The following ADAMTS7 variants were observed in gnomAD, a reference collection of about 807,000 sequenced individuals.
ADAMTS7 encodes ADAM metallopeptidase with thrombospondin type 1 motif 7, also known as A disintegrin and metalloproteinase with thrombospondin motifs 7.
ADAMTS7 carries 89 observed loss-of-function variants against 172.6 expected under a neutral mutation model. That is an observed-to-expected ratio of 0.52 (90% CI 0.43 to 0.61). The LOEUF is 0.61. ADAMTS7 is among the 20% of genes least tolerant of loss of function. The probability of loss-of-function intolerance (pLI) is 0.00; values close to 1 mark genes in which losing one functional copy is unlikely to be tolerated. For missense variants in ADAMTS7, 1,973 were observed against 2,355.6 expected (o/e 0.84, Z 3.36); for synonymous variants, 885 against 978.4 (o/e 0.90, Z 1.78).
At chr15:78,765,511 C>G in intron 19 of ADAMTS7, 134 bp downstream of exon 19, 1 of 1,447,848 alleles carries the variant, frequency 6.9e-7, no homozygotes, top group Non-Finnish European at 9.4e-7. Context: ...CCTCATCCCC[C>G]TAATCCTGGG....
chr15:78,760,280 G>A (rs1158811562), intron 23 of ADAMTS7, among the ~76,000 whole-genome samples: 1 of 152,228 alleles, frequency 6.6e-6, no homozygotes, highest in Non-Finnish European at 1.5e-5. Context: ...GGTTATCAGA[G>A]CTATTTTGGG....
chr15:78,771,185 T>G lies in ADAMTS7; in HGVS notation c.2495A>C (p.Lys832Thr). The G allele has an allele frequency of 6.2e-7, 1 of 1,610,892 alleles. No homozygotes were observed. The highest frequency in any genetic ancestry group is 1.1e-5 in the South Asian group (1 of 90,722). ...ACCTCTGCCGCAGGTGACTGTGCAC[T>G]TGGTCCAGGGCCCATAATGCCAGGA... ...VFSWHYGPWT[K>T]CTVTCGRGVQ... The change falls in exon 16 of 24, where the codon AAG becomes ACG. Residue 832 changes from lysine to threonine, a missense_variant. Physicochemically the swap from Lys to Thr is moderately conservative, Grantham distance 78. This residue lies in a region of ADAMTS7 where 771 missense variants were observed against 952.6 expected (regional missense o/e 0.81). Coordinates refer to ENST00000388820, the MANE Select transcript of ADAMTS7 (RefSeq NM_014272.5). The surrounding 1 kb of genome is among the most constrained non-coding windows in gnomAD (Gnocchi z 4.9).
rs760130214 is a variant in ADAMTS7 at position 78,796,673 on chromosome 15, T to A, written c.736A>T (p.Thr246Ser). 1 of 1,613,980 alleles carries A rather than the reference T, an allele frequency of 6.2e-7. No individual in the cohort carries two copies. The highest frequency in any genetic ancestry group is 1.7e-4 in the Middle Eastern group (1 of 6,060). ...ATTTTGGCATCAGCTACTACCAGGG[T>A]CTCCACCCACTTCTCTTTGCTGACC... ...RSVSKEKWVE[T>S]LVVADAKMVE... The change falls in exon 4 of 24, where the codon ACC (threonine) becomes TCC (serine). Residue 246 changes from threonine to serine, a missense_variant. Physicochemically the swap from Thr to Ser is moderately conservative, Grantham distance 58 (BLOSUM62 1). Coordinates refer to ENST00000388820, the MANE Select transcript of ADAMTS7 (RefSeq NM_014272.5).
In ADAMTS7 at chr15:78,772,982, T is replaced by C. The variant is rs543354190; in HGVS notation, c.2131+101A>G. On this transcript the variant is annotated intron_variant, in intron 14 of 23. Transcript: ENST00000388820. The stretch of plus-strand genomic sequence containing the variant: ...CTTCCCTGCTTAGCCATCTCCAGGC[T>C]GGGTGGGGGCCACGAGGCCAAGGAC... The C allele has an allele frequency of 2.0e-4, 287 of 1,428,116 alleles. 1 individual carries two copies. The Middle Eastern group carries it at 2.9e-3, about 15-fold the overall frequency. 88.5% of individuals were successfully genotyped at this position (1,428,116 alleles called of 1,614,324 possible).
chr15:78,766,635 C>T lies in ADAMTS7; in HGVS notation c.3276G>A (p.Gly1092=). Residue 1092 remains glycine (G), a synonymous_variant, in exon 19 of 24, where the codon GGG becomes GGA. Transcript: ENST00000388820. ...EEPDLDLAGT[G]DRTPPPHSHP... The stretch of plus-strand genomic sequence containing the variant: ...GGCTGTGTGGTGGGGGTGTCCGGTC[C>T]CCTGTCCCCGCCAGGTCTAGATCGG... 1 of 1,609,644 alleles carries T rather than the reference C, an allele frequency of 6.2e-7. No homozygotes were observed. Among genetic ancestry groups the T allele is most frequent in the Non-Finnish European group, 8.5e-7 (1 of 1,179,194 alleles).
At position 78,773,173 on chromosome 15, in the gene ADAMTS7, C is replaced by A. The variant is rs778220839; in HGVS notation, c.2041G>T (p.Gly681Cys). The A allele has an allele frequency of 6.7e-7, 1 of 1,494,236 alleles. No homozygotes were observed. The highest frequency in any genetic ancestry group is 9.2e-7 in the Non-Finnish European group (1 of 1,088,862). The allele number at this position is 1,494,236 out of a possible 1,614,324, so 92.6% of individuals were successfully genotyped here. A position where few individuals can be genotyped will look rare whatever the true frequency, so the allele number is the denominator to read the frequency against. Residue 681 changes from glycine to cysteine, a missense_variant, in exon 14 of 24, where the codon GGT (glycine) becomes TGT (cysteine). This residue lies in a region of ADAMTS7 where 13 missense variants were observed against 43.9 expected (regional missense o/e 0.30). Coordinates refer to ENST00000388820, the MANE Select transcript of ADAMTS7 (RefSeq NM_014272.5). ...NVGCDFEIDS[G>C]AMEDRCGVCH... is the part of the protein sequence containing the mutation. ...ACACCACAGCGGTCCTCCATAGCACCGGAGTCAATCTCGAAGTCACAGCCC... is the reference window on the plus strand; with the variant it reads ...ACACCACAGCGGTCCTCCATAGCACAGGAGTCAATCTCGAAGTCACAGCCC...
At chr15:78,776,570 G>A (rs1317808945) in intron 10 of ADAMTS7, 179 bp downstream of exon 10, 2 of 833,352 alleles carry the variant, frequency 2.4e-6, no homozygotes, top group Non-Finnish European at 3.7e-6. Context: ...GGGGAATCAT[G>A]GAATCAAGCC....
chr15:78,774,251 C>G lies in ADAMTS7; in HGVS notation c.1926G>C (p.Glu642Asp). 6.3e-7 allele frequency: 1 copy of G among 1,582,766 alleles called. No individual in the cohort carries two copies. The highest frequency in any genetic ancestry group is 2.3e-5 in the East Asian group (1 of 44,310). The part of the protein sequence containing the change: ...HCRPANEYFA[E>D]KLRDAVVDGT... ...CATCGACCACGGCGTCCCGCAGCTT[C>G]TCGGCAAAGTACTCATTCGCGGGCC... The change falls in exon 13 of 24, where the codon GAG becomes GAC. Residue 642 changes from glutamate (E) to aspartate (D), a missense_variant. Coordinates refer to ENST00000388820, the MANE Select transcript of ADAMTS7 (RefSeq NM_014272.5).
intron 8 of ADAMTS7, among the ~76,000 whole-genome samples, chr15:78,781,357 C>A (rs991772655): frequency 3.3e-5 from 5 of 152,182 alleles, no homozygotes; most frequent in Non-Finnish European, 7.3e-5. Flanking sequence ...ACCTCCTGGG[C>A]CTCGGGAGGG....
intron 8 of ADAMTS7, among the ~76,000 whole-genome samples, chr15:78,777,817 T>C (rs61671687): frequency 0.045 from 6,820 of 151,880 alleles, 264 homozygotes; most frequent in East Asian, 0.14. Context: ...GGCTAAACAA[T>C]CCCAACCCCA....
chr15:78,780,718 T>C (rs1490435015), intron 8 of ADAMTS7, among the ~76,000 whole-genome samples: 3 of 152,118 alleles, frequency 2.0e-5, no homozygotes, highest in Non-Finnish European at 4.4e-5. Context: ...CCCCACCCTA[T>C]ACTCGCATGG....
chr15:78,796,445 A>C, intron 4 of ADAMTS7, 145 bp downstream of exon 4: 3 of 899,736 alleles, frequency 3.3e-6, no homozygotes, highest in Middle Eastern at 3.2e-4. Flanking sequence ...TCCTGGCCTC[A>C]GGAGCTTGGA....
At position 78,776,765 on chromosome 15, in the gene ADAMTS7, C is replaced by T. The variant is rs200611635; in HGVS notation, c.1544G>A (p.Arg515Gln). The change falls in exon 10 of 24, where the codon CGG (arginine) becomes CAG (glutamine). Residue 515 changes from arginine (R) to glutamine (Q), a missense_variant. Physicochemically the swap from Arg to Gln is conservative, Grantham distance 43. Around this residue, in one of 8 missense-constraint regions of ADAMTS7, gnomAD observed 526 missense variants for 662.9 expected, o/e 0.79. Coordinates refer to ENST00000388820, the MANE Select transcript of ADAMTS7 (RefSeq NM_014272.5). ...ATCCCCTACCTTATTCTCCCCACAC[C>T]GGGTGCCGTCCACAGCTGCATCCAG... ...SKLDAAVDGT[R>Q]CGENKWCLSG... 391 of 1,551,084 alleles carry T rather than the reference C, an allele frequency of 2.5e-4. 4 individuals are homozygous for T. In the East Asian group the frequency reaches 7.3e-3, roughly 29 times the overall value.
chr15:78,776,149 T>C (rs2055339338), intron 11 of ADAMTS7, 39 bp downstream of exon 11: 1 of 1,582,532 alleles, frequency 6.3e-7, no homozygotes, highest in Admixed American at 1.7e-5. Context: ...TGGGTCCCTC[T>C]GTCCCACTGC....
chr15:78,796,698 C>G lies in ADAMTS7; in HGVS notation c.711G>C (p.Ser237=), dbSNP rs369710589. ...TCTCCACCCACTTCTCTTTGCTGAC[C>G]GACCGCTGGTGTAGACGCCTCAGCC... The part of the protein sequence containing the change: ...RPRLRRLHQR[S]VSKEKWVETL... The change falls in exon 4 of 24, where the codon TCG becomes TCC. Residue 237 remains serine, a synonymous_variant. Transcript: ENST00000388820. The G allele has an allele frequency of 1.1e-5, 17 of 1,613,808 alleles. No individual in the cohort carries two copies. Among genetic ancestry groups the G allele is most frequent in the East Asian group, 4.5e-5 (2 of 44,884 alleles).
At position 78,767,007 on chromosome 15, in the gene ADAMTS7, G is replaced by C. The variant is rs777374732; in HGVS notation, c.2904C>G (p.Leu968=). The stretch of plus-strand genomic sequence containing the variant: ...AGGGGACACCGGTGTCATTGGTGCA[G>C]AGGACATTTCGGCGCTGAGTGCCCT... ...CGEGTQRRNV[L]CTNDTGVPCD... Residue 968 remains leucine, a synonymous_variant, in exon 19 of 24, where the codon CTC becomes CTG. Coordinates refer to ENST00000388820, the MANE Select transcript of ADAMTS7 (RefSeq NM_014272.5). 386 of 1,589,680 alleles carry C rather than the reference G, an allele frequency of 2.4e-4. No homozygotes were observed. The highest frequency in any genetic ancestry group is 3.2e-4 in the Non-Finnish European group (371 of 1,169,510).
chr15:78,779,639 G>A (rs1273944088), intron 8 of ADAMTS7, among the ~76,000 whole-genome samples: 4 of 152,168 alleles, frequency 2.6e-5, no homozygotes, highest in Admixed American at 6.5e-5. Flanking sequence ...TATCAGCGGC[G>A]GGTGGTGGGG....
rs372168680 is a variant in ADAMTS7, at chr15:78,766,746, C to T, written c.3165G>A (p.Pro1055=). The stretch of plus-strand genomic sequence containing the variant: ...AGAAGTCGTCCACAAACACGGGCCC[C>T]GGCAGGTCCAGCTCTGGAGCCTCCT... ...IEEEAPELDL[P]GPVFVDDFYY... The change falls in exon 19 of 24, where the codon CCG becomes CCA. Residue 1055 remains proline, a synonymous_variant. Transcript: ENST00000388820. 5.7e-5 allele frequency: 91 copies of T among 1,610,530 alleles called. No homozygotes were observed. The highest frequency in any genetic ancestry group is 2.5e-4 in the Admixed American group (15 of 60,002).
intron 23 of ADAMTS7, among the ~76,000 whole-genome samples, chr15:78,759,854 G>A (rs1256767677): frequency 2.0e-5 from 3 of 152,314 alleles, no homozygotes; most frequent in Non-Finnish European, 4.4e-5. Context: ...CCCCTCACAT[G>A]CCTGTTAAAG....
Sources: allele counts gnomAD v4.1 joint callset (sites outside exome capture counted in the v4.1 genomes callset), GRCh38; gene constraint gnomAD v4.1.1; regional missense constraint gnomAD v4.1.1; non-coding constraint Gnocchi (gnomAD v3.1); transcripts MANE v1.5; gene names NCBI Gene and HGNC (gene_info 2026-07-23, HGNC 2026-07-21).